ZIC3: variants seen among roughly 807,000 people sequenced by gnomAD.
ZIC3 encodes Zic family zinc finger 3, also known as zinc finger protein ZIC 3.
A neutral mutation model predicts 18.3 loss-of-function variants in ZIC3; 6 were observed. The ratio of observed to expected loss-of-function variants is 0.33; its 90% confidence interval spans 0.18 to 0.65. The LOEUF (loss-of-function observed/expected upper bound fraction) is 0.65. ZIC3 is among the 30% of genes least tolerant of loss of function. The pLI, the probability that ZIC3 is intolerant of heterozygous loss-of-function variation, is 0.75. For missense variants in ZIC3, 260 were observed against 410.0 expected, an observed-to-expected ratio of 0.63 and a Z score of 3.16; for synonymous variants, 175 against 177.0, an observed-to-expected ratio of 0.99 and a Z score of 0.09.
At chrX:137,575,901 T>G (rs972162047), downstream of ZIC3, among the ~76,000 whole-genome samples, 1 of 112,339 alleles carries the variant, frequency 8.9e-6, no homozygotes, top group Non-Finnish European at 1.9e-5. Flanking sequence ...GCATTTAAGT[T>G]GTCGTGCTTT....
At chrX:137,577,019 G>A, downstream of ZIC3, 1 of 430,638 alleles carries the variant, frequency 2.3e-6, no homozygotes, top group East Asian at 3.8e-5. Context: ...ATAAACCAGA[G>A]TTTAAAACAA....
At chrX:137,568,335 G>C (rs73633950) in intron 1 of ZIC3, among the ~76,000 whole-genome samples, 6 of 70,229 alleles carry the variant, frequency 8.5e-5, no homozygotes, top group African/African-American at 3.2e-4. Context: ...CCCCTGGATC[G>C]ATCGATCTAT....
In ZIC3 at chrX:137,567,153, C is replaced by A. The variant is rs772820536; in HGVS notation, c.462C>A (p.Pro154=). 1.2e-5 allele frequency: 14 copies of A among 1,206,061 alleles called. No homozygotes were observed. Among genetic ancestry groups the A allele is most frequent in the African/African-American group, 8.7e-5 (5 of 57,486 alleles). The change falls in exon 1 of 3, where the codon CCC becomes CCA. Residue 154 remains proline, a synonymous_variant. Coordinates refer to ENST00000287538, the MANE Select transcript of ZIC3 (RefSeq NM_003413.4). ...ASSLHAPAGI[P]EPPSYLLFPG... is the part of the protein sequence containing the mutation. Reference sequence around the variant, plus strand: ...GCCTGCATGCTCCAGCTGGCATCCCCGAGCCCCCTAGCTACTTGCTGTTTC... The same window carrying A: ...GCCTGCATGCTCCAGCTGGCATCCCAGAGCCCCCTAGCTACTTGCTGTTTC...
chrX:137,572,660 T>C (rs1931454894), downstream of ZIC3, among the ~76,000 whole-genome samples: 1 of 111,783 alleles, frequency 8.9e-6, no homozygotes, highest in Non-Finnish European at 1.9e-5. Context: ...ACTTTCTCCA[T>C]GAGTTCCCTC....
At chrX:137,577,377 T>G in exon 3 of ZIC3, 1 of 384,800 alleles carries the variant, frequency 2.6e-6, no homozygotes. Context: ...ATTTTCTTCT[T>G]TTGGTGTATT....
At position 137,577,400 on chromosome X, in the gene ZIC3, GAGCAATCATTTGTGAAA is replaced by G. The variant is rs1350736505; in HGVS notation, c.*130_*146del. 1.5e-5 allele frequency: 5 copies of G among 338,469 alleles called. No individual in the cohort carries two copies. The Admixed American group carries it at 2.7e-4, about 18-fold the overall frequency. 27.9% of individuals were successfully genotyped at this position (338,469 alleles called of 1,213,427 possible). On this transcript the variant is annotated 3_prime_UTR_variant, in exon 3 of 3. Coordinates refer to the ZIC3 transcript ENST00000370606. ...CTTTTGGTGTATTTCATCCTGTGTTGAGCAATCATTTGTGAAATGAAAAAGCAAAAAAACTCCCCCCA... is the reference window on the plus strand; with the variant it reads ...CTTTTGGTGTATTTCATCCTGTGTTGTGAAAAAGCAAAAAAACTCCCCCCA...
intron 1 of ZIC3, chrX:137,568,686 G>GGCCCCCCCCCC: frequency 1.1e-5 from 1 of 90,113 alleles, no homozygotes; most frequent in Non-Finnish European, 2.0e-5. Context: ...GGCCGGCCCC[G>GGCCCCCCCCCC]CCCCACCCCC....
chrX:137,566,353 A>T lies in ZIC3; in HGVS notation c.-339A>T. The T allele has an allele frequency of 3.3e-6, 1 of 304,654 alleles. No individual in the cohort carries two copies. The highest frequency in any genetic ancestry group is 5.8e-6 in the Non-Finnish European group (1 of 172,689). 25.1% of individuals were successfully genotyped at this position (304,654 alleles called of 1,213,427 possible). ...GGGGTGCCCGGGACAGGATTGGCAA[A>T]CTCCGCCCTCCACTTACTATTTTGC... On this transcript the variant is annotated 5_prime_UTR_variant, in exon 1 of 3. Coordinates refer to ENST00000287538, the MANE Select transcript of ZIC3 (RefSeq NM_003413.4).
intron 2 of ZIC3, among the ~76,000 whole-genome samples, 194 bp downstream of exon 2, chrX:137,569,259 T>C (rs1304486846): frequency 9.3e-6 from 1 of 107,241 alleles, no homozygotes; most frequent in Non-Finnish European, 1.9e-5. Flanking sequence ...GTGAGCAAAG[T>C]TGGGAGGGGG....
Position 137,567,815 on chromosome X carries a change from G to T in ZIC3, c.1060+64G>T, listed in dbSNP as rs1432392727. ...GATACCCCGTCACGCAGCGGACTTA[G>T]AGCGCGAGGGAGAGAGGTGGCGGCC... On this transcript the variant is annotated intron_variant, in intron 1 of 2. Transcript: ENST00000287538. 3 of 1,208,716 alleles carry T rather than the reference G, an allele frequency of 2.5e-6. No individual in the cohort carries two copies. The Admixed American group carries it at 6.5e-5, about 26-fold the overall frequency.
Position 137,567,762 on chromosome X carries a change from A to C in ZIC3, c.1060+11A>C, listed in dbSNP as rs1404559092. 8 of 1,211,620 alleles carry C rather than the reference A, an allele frequency of 6.6e-6. No individual in the cohort carries two copies. In the South Asian group the frequency reaches 1.4e-4, roughly 21 times the overall value. On this transcript the variant is annotated intron_variant, in intron 1 of 2. Coordinates refer to ENST00000287538, the MANE Select transcript of ZIC3 (RefSeq NM_003413.4). ...AGAGGACCCACACAGGTAAGGGAAA[A>C]AAGCAGGCGGGCGTGGGTTCCACTG...
rs911853114 is a variant in ZIC3 at position 137,566,283 on chromosome X, C to T, written c.-409C>T. ...GCAGCCCAGCCCGGAGGCCGGTACCCAGGGAGCCTCCTGGCCCCGCGGTTC... is the reference window on the plus strand; with the variant it reads ...GCAGCCCAGCCCGGAGGCCGGTACCTAGGGAGCCTCCTGGCCCCGCGGTTC... On this transcript the variant is annotated 5_prime_UTR_variant, in exon 1 of 3. Transcript: ENST00000287538. 1.2e-5 allele frequency: 2 copies of T among 169,692 alleles called. No homozygotes were observed. Among genetic ancestry groups the T allele is most frequent in the Non-Finnish European group, 1.1e-5 (1 of 91,042 alleles). The allele number at this position is 169,692 out of a possible 1,213,427, so 14.0% of individuals were successfully genotyped here. A position where few individuals can be genotyped will look rare whatever the true frequency, so the allele number is the denominator to read the frequency against.
Position 137,570,393 on chromosome X carries a change from G to A in ZIC3, c.*323G>A. The A allele has an allele frequency of 3.5e-6, 1 of 282,066 alleles. No individual in the cohort carries two copies. The highest frequency in any genetic ancestry group is 4.8e-5 in the South Asian group (1 of 20,951). 23.2% of individuals were successfully genotyped at this position (282,066 alleles called of 1,213,427 possible). A position where few individuals can be genotyped will look rare whatever the true frequency, so the allele number is the denominator to read the frequency against. ...TTAACACTTGTCCTGTTTCTTGAGA[G>A]GAAGTTATAGAAGGCTTGTTGGTGG... On this transcript the variant is annotated 3_prime_UTR_variant, in exon 3 of 3. Coordinates refer to ENST00000287538, the MANE Select transcript of ZIC3 (RefSeq NM_003413.4).
At chrX:137,572,224 TATTTA>T (rs1332386246), downstream of ZIC3, among the ~76,000 whole-genome samples, 2 of 112,792 alleles carry the variant, frequency 1.8e-5, no homozygotes, top group Non-Finnish European at 3.7e-5. Context: ...TGAAGCAGTC[TATTTA>T]AGTTATCTAC....
Position 137,567,660 on chromosome X carries a change from G to A in ZIC3, c.969G>A (p.Thr323=), listed in dbSNP as rs1931370674. The A allele has an allele frequency of 2.5e-6, 3 of 1,211,487 alleles. No individual in the cohort carries two copies. Among genetic ancestry groups the A allele is most frequent in the Non-Finnish European group, 3.3e-6 (3 of 895,535 alleles). Residue 323 remains threonine, a synonymous_variant, in exon 1 of 3, where the codon ACG becomes ACA. Coordinates refer to ENST00000287538, the MANE Select transcript of ZIC3 (RefSeq NM_003413.4). The stretch of plus-strand genomic sequence containing the variant: ...TGGTCAACCACATCCGAGTGCACAC[G>A]GGCGAGAAGCCCTTCCCATGCCCCT... The part of the protein sequence containing the change: ...YKLVNHIRVH[T]GEKPFPCPFP...
At chrX:137,567,860 C>T in intron 1 of ZIC3, 109 bp downstream of exon 1, 1 of 1,153,600 alleles carries the variant, frequency 8.7e-7, no homozygotes. Flanking sequence ...GGCGACGCCC[C>T]GCAACGGCCG....
chrX:137,567,204 G>A lies in ZIC3; in HGVS notation c.513G>A (p.Gly171=), dbSNP rs370048935. Reference sequence around the variant, plus strand: ...CCGGGCTGCATGAGCAGGGCGCTGGGCACCCGTCGCCCACAGGGCACGTGG... The same window carrying A: ...CCGGGCTGCATGAGCAGGGCGCTGGACACCCGTCGCCCACAGGGCACGTGG... ...LFPGLHEQGA[G]HPSPTGHVDN... The change falls in exon 1 of 3, where the codon GGG becomes GGA. Residue 171 remains glycine (G), a synonymous_variant. Transcript: ENST00000287538. 5.0e-6 allele frequency: 6 copies of A among 1,208,514 alleles called. No individual in the cohort carries two copies. In the African/African-American group the frequency reaches 7.0e-5, roughly 14 times the overall value.
exon 3 of ZIC3, chrX:137,577,275 G>A: frequency 2.0e-6 from 1 of 510,616 alleles, no homozygotes; most frequent in Non-Finnish European, 3.6e-6. Context: ...TTACTGATGA[G>A]GTTTCAAAGA....
downstream of ZIC3, chrX:137,574,141 G>A (rs1339471436): frequency 1.8e-5 from 2 of 113,590 alleles, no homozygotes; most frequent in Non-Finnish European, 3.7e-5. Flanking sequence ...AGGCCACTGC[G>A]TAGCGCTGGC....
Sources: gnomAD v4.1 joint callset for allele counts (sites outside exome capture counted in the v4.1 genomes callset) on GRCh38, gnomAD v4.1.1 for gene constraint, MANE v1.5 for transcripts, NCBI Gene and HGNC (gene_info 2026-07-23, HGNC 2026-07-21) for gene names.